Variants in LIN7A observed in about 807,000 individuals in gnomAD.
LIN7A encodes the protein protein lin-7 homolog A.
In LIN7A, 25 loss-of-function variants were observed where a neutral mutation model predicts 29.8. The ratio of observed to expected loss-of-function variants is 0.84; its 90% CI spans 0.61 to 1.17. The LOEUF is 1.17. Ranked by LOEUF, LIN7A falls within the 50% of genes most tolerant of loss-of-function variation. The pLI is 0.00. For missense variants in LIN7A, 239 were observed against 287.0 expected, an observed-to-expected ratio of 0.83 and a Z score of 1.21; for synonymous variants, 118 against 107.5, an observed-to-expected ratio of 1.10 and a Z score of -0.60.
chr12:80,821,989 C>A lies in LIN7A; in HGVS notation c.484-10306G>T, dbSNP rs144194575. ...GCACTGACAAGCCAACCCCCTGACA[C>A]CTCAGCCCTCTGTGGACTTTGGGCA... On this transcript the variant is annotated intron_variant, in intron 4 of 5. Coordinates refer to ENST00000552864, the MANE Select transcript of LIN7A (RefSeq NM_004664.4). Among the ~76,000 whole-genome samples, 4 of 152,342 alleles carry A rather than the reference C, an allele frequency of 2.6e-5. No individual in the cohort carries two copies. In the South Asian group the frequency reaches 8.3e-4, roughly 32 times the overall value.
At chr12:80,868,542 T>A (rs1874257259) in intron 2 of LIN7A, among the ~76,000 whole-genome samples, 4 of 152,178 alleles carry the variant, frequency 2.6e-5, no homozygotes, top group Non-Finnish European at 1.5e-5. Context: ...CACTCCAGCC[T>A]GGGCAACAAG....
intron 4 of LIN7A, among the ~76,000 whole-genome samples, chr12:80,815,136 C>A (rs1182461634): frequency 1.3e-5 from 2 of 152,096 alleles, no homozygotes; most frequent in Non-Finnish European, 2.9e-5. Context: ...TTTTTCCCCA[C>A]TAGCTTTGCC....
intron 5 of LIN7A, among the ~76,000 whole-genome samples, chr12:80,801,967 G>C (rs1870743508): frequency 6.6e-6 from 1 of 150,904 alleles, no homozygotes; most frequent in Non-Finnish European, 1.5e-5. Flanking sequence ...TGCGATCTCG[G>C]CTCACTGCAA....
intron 2 of LIN7A, among the ~76,000 whole-genome samples, chr12:80,850,214 G>A (rs948832179): frequency 1.3e-5 from 2 of 152,110 alleles, no homozygotes; most frequent in African/African-American, 4.8e-5. Flanking sequence ...GAAGCAAACC[G>A]TAGCTGTACC....
intron 1 of LIN7A, among the ~76,000 whole-genome samples, chr12:80,893,193 T>C (rs1875714657): frequency 6.6e-6 from 1 of 152,170 alleles, no homozygotes; most frequent in African/African-American, 2.4e-5. Flanking sequence ...GTGTGTAACA[T>C]GGTGCTGAAT....
chr12:80,797,873 TG>T (rs1870528723), intron 5 of LIN7A, 147 bp from the exon 6 acceptor site: 1 of 152,456 alleles, frequency 6.6e-6, no homozygotes, highest in East Asian at 1.9e-4. Context: ...CTTCTACATA[TG>T]AAAAAATTCG....
chr12:80,836,321 T>C (rs1025847355), intron 4 of LIN7A, among the ~76,000 whole-genome samples: 1 of 152,186 alleles, frequency 6.6e-6, no homozygotes, highest in Non-Finnish European at 1.5e-5. Context: ...CTCCTTAATC[T>C]CAGTTTAAAT....
At chr12:80,845,236 C>CAAA (rs68031488) in intron 4 of LIN7A, among the ~76,000 whole-genome samples, 1 of 118,574 alleles carries the variant, frequency 8.4e-6, no homozygotes. Flanking sequence ...GATTCCATCT[C>CAAA]AAAAAAAAAA....
chr12:80,928,906 CTTA>C (rs1003999420), intron 1 of LIN7A, among the ~76,000 whole-genome samples: 2 of 115,862 alleles, frequency 1.7e-5, no homozygotes, highest in African/African-American at 1.2e-4. Flanking sequence ...TGTTTTAAAA[CTTA>C]TTATTAACAT....
intron 1 of LIN7A, among the ~76,000 whole-genome samples, chr12:80,896,756 A>G (rs1334105506): frequency 2.6e-5 from 4 of 152,250 alleles, no homozygotes; most frequent in Non-Finnish European, 5.9e-5. Context: ...ACTGAAGTGT[A>G]TCACAAAAAA....
chr12:80,856,780 C>T (rs1873622668), intron 2 of LIN7A, among the ~76,000 whole-genome samples: 1 of 152,156 alleles, frequency 6.6e-6, no homozygotes, highest in Admixed American at 6.5e-5. Context: ...CAGTCGTATC[C>T]TGACAAGATG....
intron 1 of LIN7A, among the ~76,000 whole-genome samples, chr12:80,930,344 A>C (rs750055210): frequency 3.3e-5 from 5 of 152,166 alleles, no homozygotes; most frequent in Non-Finnish European, 7.3e-5. Flanking sequence ...ACTTAGCAAA[A>C]TTCAATCTTT....
intron 4 of LIN7A, among the ~76,000 whole-genome samples, chr12:80,833,212 T>A (rs1872454117): frequency 6.6e-6 from 1 of 152,152 alleles, no homozygotes; most frequent in Non-Finnish European, 1.5e-5. Flanking sequence ...CAACACAACC[T>A]CCAAGTACTC....
chr12:80,802,457 A>C (rs1048912462), intron 5 of LIN7A, among the ~76,000 whole-genome samples: 1 of 152,118 alleles, frequency 6.6e-6, no homozygotes, highest in Non-Finnish European at 1.5e-5. Context: ...TAACATGCTA[A>C]TTTCAATTCA....
chr12:80,825,902 G>A (rs1266939487), intron 4 of LIN7A, among the ~76,000 whole-genome samples: 3 of 152,150 alleles, frequency 2.0e-5, no homozygotes, highest in Non-Finnish European at 4.4e-5. Flanking sequence ...AGAAGCCCAG[G>A]CAATTTAATA....
intron 1 of LIN7A, among the ~76,000 whole-genome samples, chr12:80,920,344 G>A (rs1311203319): frequency 6.6e-6 from 1 of 152,102 alleles, no homozygotes; most frequent in Non-Finnish European, 1.5e-5. Context: ...TTTGATATCA[G>A]GGCTGTAGTT....
At chr12:80,874,937 C>T (rs959258007) in intron 2 of LIN7A, among the ~76,000 whole-genome samples, 7 of 152,148 alleles carry the variant, frequency 4.6e-5, no homozygotes, top group African/African-American at 1.2e-4. Flanking sequence ...GGAGGCAGAG[C>T]TTGCAGTGAG....
rs766346030 is a variant in LIN7A at position 80,848,314 on chromosome 12, T to C, written c.210A>G (p.Gln70=). 8 of 1,607,138 alleles carry C rather than the reference T, an allele frequency of 5.0e-6. No homozygotes were observed. The highest frequency in any genetic ancestry group is 1.7e-5 in the Admixed American group (1 of 59,954). ...TAACAGTTATCGTTTCATGCATATA[T>C]TGATACACCTAAAATGTTCACATAA... ...EFCTAIREVY[Q]YMHETITVNG... Residue 70 remains glutamine, a synonymous_variant, in exon 3 of 6, where the codon CAA becomes CAG. Coordinates refer to ENST00000552864, the MANE Select transcript of LIN7A (RefSeq NM_004664.4).
In LIN7A at chr12:80,815,356, T is replaced by G. The variant is rs867155180; in HGVS notation, c.484-3673A>C. On this transcript the variant is annotated intron_variant, in intron 4 of 5. Coordinates refer to ENST00000552864, the MANE Select transcript of LIN7A (RefSeq NM_004664.4). The stretch of plus-strand genomic sequence containing the variant: ...AATAAAAAGAAGCCAAAAGATCTAC[T>G]CAGTTAGGGTATAAATGTTGATGTG... Among the ~76,000 whole-genome samples the G allele has an allele frequency of 3.9e-5, 6 of 152,128 alleles. No individual in the cohort carries two copies. The South Asian group carries it at 1.0e-3, about 26-fold the overall frequency.
Sources: allele counts gnomAD v4.1 joint callset (sites outside exome capture counted in the v4.1 genomes callset), GRCh38; gene constraint gnomAD v4.1.1; transcripts MANE v1.5; gene names NCBI Gene and HGNC (gene_info 2026-07-23, HGNC 2026-07-21).